SERPINB6: variants seen among roughly 807,000 people sequenced by gnomAD.
SERPINB6 encodes serpin family B member 6.
A neutral mutation model predicts 26.1 loss-of-function variants in SERPINB6; 16 were observed. The observed-to-expected ratio is 0.61, with a 90% CI of 0.42 to 0.93. The LOEUF is 0.93. SERPINB6 is among the 40% of genes least tolerant of loss of function. The pLI is 0.00. For missense variants in SERPINB6, 420 were observed against 478.0 expected (o/e 0.88, Z 1.13); for synonymous variants, 174 against 176.6 (o/e 0.99, Z 0.11).
intron 4 of SERPINB6, among the ~76,000 whole-genome samples, chr6:2,953,759 CAAG>C (rs1255231732): frequency 1.3e-5 from 2 of 152,126 alleles, no homozygotes; most frequent in Non-Finnish European, 2.9e-5. Flanking sequence ...CGCTTGAGCA[CAAG>C]AATTGATGCT....
Position 2,959,205 on chromosome 6 carries a change from A to G in SERPINB6, c.128T>C (p.Met43Thr). The change falls in exon 2 of 7, where the codon ATG (methionine) becomes ACG (threonine). Residue 43 changes from methionine (M) to threonine (T), a missense_variant. Coordinates refer to ENST00000380539, the MANE Select transcript of SERPINB6 (RefSeq NM_004568.6). ...TGCAGCGGTGTTTCCCTTTGCCCCCATGTAGACCATGGCCAGGGCACAGGA... is the reference window on the plus strand; with the variant it reads ...TGCAGCGGTGTTTCCCTTTGCCCCCGTGTAGACCATGGCCAGGGCACAGGA... ...SMSCALAMVY[M>T]GAKGNTAAQM... is the part of the protein sequence containing the mutation. 6.2e-7 allele frequency: 1 copy of G among 1,614,190 alleles called. No individual in the cohort carries two copies. Among genetic ancestry groups the G allele is most frequent in the Non-Finnish European group, 8.5e-7 (1 of 1,180,044 alleles).
In SERPINB6 at chr6:2,948,529, T is replaced by C. The variant is rs535940353; in HGVS notation, c.900A>G (p.Ala300=). The change falls in exon 7 of 7, where the codon GCA becomes GCG. Residue 300 remains alanine (A), a synonymous_variant. Coordinates refer to ENST00000380539, the MANE Select transcript of SERPINB6 (RefSeq NM_004568.6). This position sits in a 1 kb window ranked among gnomAD's most constrained non-coding sequence, Gnocchi z 5.0. The part of the protein sequence containing the change: ...GMTDAFELGK[A]DFSGMSQTDL... ...CTGTCTGGGACATTCCAGAGAAGTC[T>C]GCCTTGCCCAGCTCGAAGGCATCAG... The C allele has an allele frequency of 8.1e-6, 13 of 1,614,190 alleles. 1 individual carries two copies. The South Asian group carries it at 1.4e-4, about 18-fold the overall frequency.
intron 1 of SERPINB6, chr6:2,970,477 C>G (rs575979596): frequency 2.7e-6 from 3 of 1,121,218 alleles, no homozygotes; most frequent in South Asian, 8.9e-5. Context: ...CCCAGCAATA[C>G]AAGGCCGGCC....
At chr6:2,969,429 C>T (rs1771929223) in intron 1 of SERPINB6, 1 of 963,604 alleles carries the variant, frequency 1.0e-6, no homozygotes, top group Non-Finnish European at 1.2e-6. Context: ...AAAAACTATA[C>T]CATTTAAAAA....
chr6:2,969,621 A>AT lies in SERPINB6; in HGVS notation c.-11+1911dup, dbSNP rs540303740. ...ATTTTATTCAACTAATCAAGTCTTA[A>AT]TTTTTTTTTAGGTGTCACTATTGAA... On this transcript the variant is annotated intron_variant, in intron 1 of 6. Coordinates refer to ENST00000380539, the MANE Select transcript of SERPINB6 (RefSeq NM_004568.6). The AT allele has an allele frequency of 7.1e-3, 6,934 of 982,406 alleles. 14 individuals are homozygous for AT. Among genetic ancestry groups the AT allele is most frequent in the Non-Finnish European group, 8.1e-3 (6,680 of 827,740 alleles). The allele number at this position is 982,406 out of a possible 1,614,324, so 60.9% of individuals were successfully genotyped here. A position where few individuals can be genotyped will look rare whatever the true frequency, so the allele number is the denominator to read the frequency against.
At chr6:2,953,574 T>C (rs1042809799) in intron 4 of SERPINB6, among the ~76,000 whole-genome samples, 1 of 152,164 alleles carries the variant, frequency 6.6e-6, no homozygotes, top group African/African-American at 2.4e-5. Flanking sequence ...CTCACACCTA[T>C]AATTCCAGCA....
At chr6:2,950,731 C>T (rs1769695200) in intron 5 of SERPINB6, among the ~76,000 whole-genome samples, 2 of 152,228 alleles carry the variant, frequency 1.3e-5, no homozygotes, top group Non-Finnish European at 2.9e-5. Flanking sequence ...AACAATCCCC[C>T]TCAGTTCCTG....
chr6:2,950,385 T>C (rs1769646864), intron 5 of SERPINB6, among the ~76,000 whole-genome samples: 1 of 151,712 alleles, frequency 6.6e-6, no homozygotes, highest in South Asian at 2.1e-4. Flanking sequence ...ATAGAAAAAT[T>C]AGCTGGGCAT....
At chr6:2,970,870 C>T (rs1772084488) in intron 1 of SERPINB6, 2 of 1,231,154 alleles carry the variant, frequency 1.6e-6, no homozygotes, top group Admixed American at 4.2e-5. Flanking sequence ...GAGATCCGGG[C>T]TGGTCCACAC....
chr6:2,961,883 A>T, intron 1 of SERPINB6: 2 of 985,188 alleles, frequency 2.0e-6, no homozygotes, highest in Non-Finnish European at 2.4e-6. Context: ...CAAATGCTGA[A>T]GGACTCTTAC....
intron 1 of SERPINB6, among the ~76,000 whole-genome samples, chr6:2,965,102 G>A (rs113037618): frequency 5.3e-4 from 81 of 152,286 alleles, no homozygotes; most frequent in African/African-American, 1.8e-3. Flanking sequence ...CCAGGTGGTG[G>A]GATGGGAACC....
At chr6:2,958,831 C>A (rs1443885738) in intron 2 of SERPINB6, among the ~76,000 whole-genome samples, 1 of 152,054 alleles carries the variant, frequency 6.6e-6, no homozygotes, top group East Asian at 1.9e-4. Context: ...CTCCTAACAA[C>A]CAACAAGCAG....
chr6:2,961,887 CT>C (rs1771154883), intron 1 of SERPINB6: 1 of 985,070 alleles, frequency 1.0e-6, no homozygotes, highest in African/African-American at 1.7e-5. Flanking sequence ...TGCTGAAGGA[CT>C]CTTACGCTTT....
rs1206129482 is a variant in SERPINB6 at position 2,948,898 on chromosome 6, A to T, written c.729+16T>A. On this transcript the variant is annotated intron_variant, in intron 6 of 6. Transcript: ENST00000380539. This position sits in a 1 kb window ranked among gnomAD's most constrained non-coding sequence, Gnocchi z 5.0. ...GGCTCCTTGCTAGCACGCCTCGCTC[A>T]CAGCTTAGCTGTTACCGTTCTCAAG... 6.2e-7 allele frequency: 1 copy of T among 1,614,054 alleles called. No individual in the cohort carries two copies. The highest frequency in any genetic ancestry group is 8.5e-7 in the Non-Finnish European group (1 of 1,180,030).
chr6:2,950,234 T>C (rs1414349206), intron 5 of SERPINB6, among the ~76,000 whole-genome samples: 2 of 152,110 alleles, frequency 1.3e-5, no homozygotes, highest in African/African-American at 2.4e-5. Flanking sequence ...GCCTGATACA[T>C]AGAAGACACT....
rs1201922786 is a variant in SERPINB6, at chr6:2,949,073, C to T, written c.574-4G>A. ...TTTGCACAGGTTTCTCCTCATTCTA[C>T]AAAGAAAACAGATAAACATCAAGTT... On this transcript the variant is annotated splice_polypyrimidine_tract_variant and splice_region_variant and intron_variant, in intron 5 of 6. Coordinates refer to ENST00000380539, the MANE Select transcript of SERPINB6 (RefSeq NM_004568.6). The T allele has an allele frequency of 1.2e-6, 2 of 1,613,882 alleles. No homozygotes were observed. Among genetic ancestry groups the T allele is most frequent in the Non-Finnish European group, 1.7e-6 (2 of 1,179,948 alleles).
chr6:2,970,927 C>A (rs764257426), intron 1 of SERPINB6: 16 of 1,228,882 alleles, frequency 1.3e-5, no homozygotes, highest in Non-Finnish European at 1.4e-5. Flanking sequence ...GCGGATTGGC[C>A]AAGCCCAGCA....
chr6:2,966,205 GAC>G (rs558030968), intron 1 of SERPINB6, among the ~76,000 whole-genome samples: 20 of 152,290 alleles, frequency 1.3e-4, no homozygotes, highest in African/African-American at 3.9e-4. Flanking sequence ...AGCAATCCTA[GAC>G]ACAGTGCAAA....
intron 1 of SERPINB6, chr6:2,966,507 T>A: frequency 1.7e-6 from 1 of 601,114 alleles, no homozygotes; most frequent in Non-Finnish European, 2.1e-6. Flanking sequence ...GAGCTCCACC[T>A]CCTGTTAGGT....
Sources: gnomAD v4.1 joint callset for allele counts (sites outside exome capture counted in the v4.1 genomes callset) on GRCh38, gnomAD v4.1.1 for gene constraint, Gnocchi (gnomAD v3.1) non-coding constraint, MANE v1.5 for transcripts, NCBI Gene and HGNC (gene_info 2026-07-23, HGNC 2026-07-21) for gene names.